RBMS3: variants seen among roughly 807,000 people sequenced by gnomAD.
RBMS3 encodes RNA-binding motif, single-stranded-interacting protein 3.
A neutral mutation model predicts 66.8 loss-of-function variants in RBMS3; 27 were observed. That is an observed-to-expected ratio of 0.40 (90% CI 0.30 to 0.56). The LOEUF (loss-of-function observed/expected upper bound fraction) is 0.56, where lower values mean the gene tolerates loss of function less well. Ranked by LOEUF, RBMS3 falls within the 20% of genes least tolerant of loss-of-function variation. The pLI, the probability that RBMS3 is intolerant of heterozygous loss-of-function variation, is 0.40. For synonymous variants in RBMS3, 188 were observed against 183.0 expected (o/e 1.03, Z -0.22); for missense variants, 513 against 549.5 (o/e 0.93, Z 0.66).
chr3:29,636,395 A>C (rs1290170299), intron 4 of RBMS3, among the ~76,000 whole-genome samples: 1 of 151,906 alleles, frequency 6.6e-6, no homozygotes, highest in Non-Finnish European at 1.5e-5. Context: ...AGTGCAAATA[A>C]AAATTTTTCT....
chr3:29,755,390 C>T (rs536931731), intron 5 of RBMS3, among the ~76,000 whole-genome samples: 25 of 152,288 alleles, frequency 1.6e-4, no homozygotes, highest in African/African-American at 6.0e-4. Context: ...AATTTTTTTA[C>T]TCCTCTGCTG....
At chr3:29,297,473 A>G (rs1229613297) in intron 1 of RBMS3, among the ~76,000 whole-genome samples, 1 of 151,852 alleles carries the variant, frequency 6.6e-6, no homozygotes. Context: ...TCATTGAAAC[A>G]TTTCTTTGCA....
intron 1 of RBMS3, among the ~76,000 whole-genome samples, chr3:29,403,048 A>AAAG (rs976106661): frequency 6.6e-6 from 1 of 152,024 alleles, no homozygotes; most frequent in African/African-American, 2.4e-5. Context: ...ATTTAAGGTA[A>AAAG]AAGAGTACAT....
In RBMS3 at chr3:29,941,545, A is replaced by G. The variant is rs2061394164; in HGVS notation, c.1051-2662A>G. ...AGTTTAAAAAAATTGGTTTAGTCTT[A>G]CTTTAAAATGAAAGACCTTTGAAGG... On this transcript the variant is annotated intron_variant, in intron 11 of 14. Transcript: ENST00000383767. Among the ~76,000 whole-genome samples, 5 of 151,956 alleles carry G rather than the reference A, an allele frequency of 3.3e-5. No individual in the cohort carries two copies. The South Asian group carries it at 1.0e-3, about 31-fold the overall frequency.
intron 6 of RBMS3, among the ~76,000 whole-genome samples, chr3:29,794,597 AAAC>A (rs759081262): frequency 4.1e-4 from 62 of 152,130 alleles, no homozygotes; most frequent in Non-Finnish European, 7.5e-4. Flanking sequence ...AAAAATAAAC[AAAC>A]AACAACAACA....
intron 6 of RBMS3, among the ~76,000 whole-genome samples, chr3:29,802,587 G>T (rs765850682): frequency 6.6e-6 from 1 of 152,140 alleles, no homozygotes; most frequent in Admixed American, 6.5e-5. Context: ...ATGTGCCCAC[G>T]TGTCAATGAA....
At chr3:29,786,368 A>G (rs934028243) in intron 6 of RBMS3, among the ~76,000 whole-genome samples, 1 of 152,166 alleles carries the variant, frequency 6.6e-6, no homozygotes, top group Non-Finnish European at 1.5e-5. Context: ...ATGGAACCAA[A>G]ACAGAGCCCA....
intron 4 of RBMS3, among the ~76,000 whole-genome samples, chr3:29,670,464 C>T (rs538864067): frequency 2.0e-5 from 3 of 152,202 alleles, no homozygotes; most frequent in South Asian, 2.1e-4. Context: ...TCGCCTCACT[C>T]GGGAATCACA....
intron 3 of RBMS3, among the ~76,000 whole-genome samples, chr3:29,559,459 T>C (rs538964344): frequency 2.0e-4 from 26 of 130,054 alleles, no homozygotes; most frequent in African/African-American, 7.4e-4. Flanking sequence ...TGCAGTGAGC[T>C]GAGTTTGTGC....
chr3:29,855,523 A>G (rs141924810), intron 6 of RBMS3, among the ~76,000 whole-genome samples: 119 of 152,332 alleles, frequency 7.8e-4, no homozygotes, highest in African/African-American at 2.6e-3. Flanking sequence ...TGCAATTACT[A>G]TATTTAGAAT....
chr3:29,884,451 TCTCTCTCTCTCTCTCTCTCC>T (rs1382736762), intron 8 of RBMS3, among the ~76,000 whole-genome samples: 5 of 133,018 alleles, frequency 3.8e-5, no homozygotes, highest in African/African-American at 5.8e-5. Flanking sequence ...TCTCTCTCTC[TCTCTCTCTCTCTCTCTCTCC>T]CCCCCCGCTC....
intron 12 of RBMS3, among the ~76,000 whole-genome samples, chr3:29,958,041 A>G (rs1246986159): frequency 1.3e-5 from 2 of 152,130 alleles, no homozygotes; most frequent in African/African-American, 4.8e-5. Flanking sequence ...GTGATACACT[A>G]TTACATCGAG....
At chr3:29,887,704 C>A (rs1314979168) in intron 8 of RBMS3, among the ~76,000 whole-genome samples, 2 of 151,712 alleles carry the variant, frequency 1.3e-5, no homozygotes, top group Admixed American at 6.6e-5. Flanking sequence ...CTAAGACTCA[C>A]TAAGTCTCAC....
At chr3:29,560,681 G>A (rs2046518583) in intron 3 of RBMS3, among the ~76,000 whole-genome samples, 2 of 152,174 alleles carry the variant, frequency 1.3e-5, no homozygotes, top group South Asian at 2.1e-4. Context: ...AGAAGAATCC[G>A]GGGGTGACTG....
chr3:29,533,187 C>A (rs530109478), intron 3 of RBMS3, among the ~76,000 whole-genome samples: 18 of 152,198 alleles, frequency 1.2e-4, no homozygotes, highest in African/African-American at 3.9e-4. Context: ...CTATTAAATG[C>A]CCCTTCTGGG....
At chr3:29,713,620 T>G (rs1177717553) in intron 4 of RBMS3, among the ~76,000 whole-genome samples, 1 of 152,164 alleles carries the variant, frequency 6.6e-6, no homozygotes. Flanking sequence ...CACATTCTCT[T>G]CAAACATTCT....
intron 3 of RBMS3, among the ~76,000 whole-genome samples, chr3:29,517,584 A>C (rs2044693765): frequency 6.6e-6 from 1 of 151,904 alleles, no homozygotes; most frequent in Admixed American, 6.5e-5. Context: ...CGGCCTCCCG[A>C]AGTGCTGGGA....
intron 1 of RBMS3, among the ~76,000 whole-genome samples, chr3:29,415,363 A>G (rs1032414012): frequency 1.3e-5 from 2 of 152,220 alleles, no homozygotes; most frequent in Admixed American, 1.3e-4. Context: ...AATAGCTTGC[A>G]GGCACAAGAC....
chr3:29,783,926 G>A (rs1045009738), intron 6 of RBMS3, among the ~76,000 whole-genome samples: 1 of 152,038 alleles, frequency 6.6e-6, no homozygotes, highest in African/African-American at 2.4e-5. Flanking sequence ...AAACTTTAAA[G>A]CAGCAGCAGT....
Sources: allele counts gnomAD v4.1 joint callset (sites outside exome capture counted in the v4.1 genomes callset), GRCh38; gene constraint gnomAD v4.1.1; transcripts MANE v1.5; gene names NCBI Gene and HGNC (gene_info 2026-07-23, HGNC 2026-07-21).